ADAMTS17: variants seen among roughly 807,000 people sequenced by gnomAD.
ADAMTS17 encodes the protein ADAM metallopeptidase with thrombospondin type 1 motif 17.
ADAMTS17 carries 113 observed loss-of-function variants against 141.5 expected under a neutral mutation model. The observed-to-expected ratio is 0.80, with a 90% CI of 0.69 to 0.93. The LOEUF is 0.93. Among genes scored for constraint, ADAMTS17 ranks in the 40% least tolerant of loss-of-function variants. The probability of loss-of-function intolerance (pLI) is 0.00; values close to 1 mark genes in which losing one functional copy is unlikely to be tolerated. For missense variants in ADAMTS17, 1,659 were observed against 1,517.9 expected (o/e 1.09, Z -1.54); for synonymous variants, 768 against 630.6 (o/e 1.22, Z -3.27).
At chr15:100,057,897 G>A (rs576802697) in intron 15 of ADAMTS17, among the ~76,000 whole-genome samples, 1 of 152,238 alleles carries the variant, frequency 6.6e-6, no homozygotes, top group South Asian at 2.1e-4. Context: ...AGCAGTGCCT[G>A]AAGCTGGTGC....
At position 99,971,573 on chromosome 15, in the gene ADAMTS17, A is replaced by G. The variant is rs1344875797; in HGVS notation, c.*2829T>C. On this transcript the variant is annotated 3_prime_UTR_variant, in exon 22 of 22. Coordinates refer to ENST00000268070, the MANE Select transcript of ADAMTS17 (RefSeq NM_139057.4). The stretch of plus-strand genomic sequence containing the variant: ...TTTCCTTTCAAAACCAGCCCCAAAA[A>G]GTAAAACAAAAATTCCATGGGTACA... 2.0e-5 allele frequency: 3 copies of G among 152,240 alleles called. No individual in the cohort carries two copies. The highest frequency in any genetic ancestry group is 2.1e-4 in the South Asian group (1 of 4,830). The allele number at this position is 152,240 out of a possible 1,614,324, so 9.4% of individuals were successfully genotyped here.
intron 18 of ADAMTS17, among the ~76,000 whole-genome samples, chr15:100,042,969 T>C (rs1390466755): frequency 1.3e-5 from 2 of 152,256 alleles, no homozygotes; most frequent in Non-Finnish European, 2.9e-5. Flanking sequence ...TAGATACATT[T>C]ACATGTGTGT....
At chr15:100,338,493 T>C (rs2046271243) in intron 2 of ADAMTS17, among the ~76,000 whole-genome samples, 1 of 152,196 alleles carries the variant, frequency 6.6e-6, no homozygotes, top group African/African-American at 2.4e-5. Context: ...CGTGGCCACA[T>C]CCATTCGCTC....
chr15:100,068,650 G>A (rs1185341091), intron 15 of ADAMTS17, among the ~76,000 whole-genome samples: 1 of 152,252 alleles, frequency 6.6e-6, no homozygotes, highest in Non-Finnish European at 1.5e-5. Flanking sequence ...AGGGTCTGGA[G>A]TGGACCTCCA....
Position 100,136,551 on chromosome 15 carries a change from T to TC in ADAMTS17, c.1474-3237dup, listed in dbSNP as rs1218604499. ...ATTGCAAATGACAAAGTGCTCAGGT[T>TC]CCTGTCATCCTGAGCCTCATGGCAG... is the stretch of plus-strand genomic sequence containing the variant. On this transcript the variant is annotated intron_variant, in intron 10 of 21. Coordinates refer to ENST00000268070, the MANE Select transcript of ADAMTS17 (RefSeq NM_139057.4). Among the ~76,000 whole-genome samples, 5 of 152,212 alleles carry TC rather than the reference T, an allele frequency of 3.3e-5. No homozygotes were observed. In the East Asian group the frequency reaches 7.7e-4, roughly 23 times the overall value.
intron 2 of ADAMTS17, among the ~76,000 whole-genome samples, chr15:100,338,544 G>A (rs1192252767): frequency 6.6e-6 from 1 of 152,204 alleles, no homozygotes; most frequent in Non-Finnish European, 1.5e-5. Context: ...CACTGAAAGG[G>A]CAGCTTTGAG....
rs762690595 is a variant in ADAMTS17, at chr15:99,993,079, C to G, written c.2918G>C (p.Cys973Ser). Reference protein sequence around the residue: ...AEEACEDYSGCYEWKTGDWST... With the variant: ...AEEACEDYSGSYEWKTGDWST... ...CCAGTCCCCAGTTTTCCACTCGTAG[C>G]AGCCTGAGTAGTCCTCGCAGGCCTC... The change falls in exon 20 of 22, where the codon TGC becomes TCC. Residue 973 changes from cysteine to serine, a missense_variant. Transcript: ENST00000268070. This position sits in a 1 kb window ranked among gnomAD's most constrained non-coding sequence, Gnocchi z 4.3. 1 of 1,614,056 alleles carries G rather than the reference C, an allele frequency of 6.2e-7. No homozygotes were observed. Among genetic ancestry groups the G allele is most frequent in the Non-Finnish European group, 8.5e-7 (1 of 1,180,056 alleles).
intron 18 of ADAMTS17, among the ~76,000 whole-genome samples, chr15:100,044,557 A>C (rs1262533084): frequency 6.6e-6 from 1 of 152,220 alleles, no homozygotes; most frequent in Admixed American, 6.5e-5. Flanking sequence ...ATGTTCCATG[A>C]CCATGAGCAT....
chr15:100,218,431 A>G (rs574332700), intron 7 of ADAMTS17, among the ~76,000 whole-genome samples: 3 of 152,256 alleles, frequency 2.0e-5, no homozygotes, highest in Non-Finnish European at 4.4e-5. Flanking sequence ...TGATCTAAAT[A>G]GACATTTTTC....
At chr15:100,048,635 G>T (rs2031899937) in intron 18 of ADAMTS17, among the ~76,000 whole-genome samples, 1 of 124,534 alleles carries the variant, frequency 8.0e-6, no homozygotes, top group African/African-American at 3.1e-5. Context: ...TGTTACTAAT[G>T]GTCTCCTACA....
chr15:100,237,796 A>G (rs964318012), intron 7 of ADAMTS17, among the ~76,000 whole-genome samples: 1 of 152,106 alleles, frequency 6.6e-6, no homozygotes, highest in East Asian at 1.9e-4. Flanking sequence ...GCCAATTTTT[A>G]TATTTTTAGT....
intron 8 of ADAMTS17, among the ~76,000 whole-genome samples, chr15:100,194,669 G>T (rs2041044301): frequency 6.6e-6 from 1 of 152,188 alleles, no homozygotes; most frequent in South Asian, 2.1e-4. Context: ...AGAAACAAAT[G>T]CTTACTTCTG....
intron 3 of ADAMTS17, among the ~76,000 whole-genome samples, chr15:100,316,766 C>G (rs1417026121): frequency 1.3e-5 from 2 of 151,798 alleles, no homozygotes; most frequent in East Asian, 3.9e-4. Flanking sequence ...CCTGGAGAAG[C>G]AAATATATCA....
chr15:100,160,689 G>A lies in ADAMTS17; in HGVS notation c.1182-5369C>T, dbSNP rs569809931. Among the ~76,000 whole-genome samples the A allele has an allele frequency of 1.1e-4, 16 of 152,292 alleles. 1 individual carries two copies. In the East Asian group the frequency reaches 1.4e-3, roughly 13 times the overall value. On this transcript the variant is annotated intron_variant, in intron 8 of 21. Coordinates refer to ENST00000268070, the MANE Select transcript of ADAMTS17 (RefSeq NM_139057.4). ...CGTCCAGTGAGCGTTTCACTCTGCC[G>A]GCCGAGAGGACTTCCCCAAGGAATG... is the stretch of plus-strand genomic sequence containing the variant.
intron 13 of ADAMTS17, among the ~76,000 whole-genome samples, chr15:100,111,505 T>C (rs2036779988): frequency 6.6e-6 from 1 of 152,192 alleles, no homozygotes; most frequent in Admixed American, 6.5e-5. Context: ...AGCCCTGAGG[T>C]TCCCCAAGCA....
intron 15 of ADAMTS17, among the ~76,000 whole-genome samples, chr15:100,084,363 G>T (rs984491108): frequency 1.3e-5 from 2 of 152,202 alleles, no homozygotes; most frequent in Non-Finnish European, 2.9e-5. Context: ...ACTGGGTGGA[G>T]CCCACCACAG....
chr15:100,088,078 A>G (rs894670097), intron 15 of ADAMTS17, among the ~76,000 whole-genome samples: 3 of 152,220 alleles, frequency 2.0e-5, no homozygotes, highest in Admixed American at 6.5e-5. Context: ...ATGACTGTAT[A>G]TCTAGAAAAC....
chr15:100,311,914 T>G (rs796280802), intron 3 of ADAMTS17, among the ~76,000 whole-genome samples: 2 of 152,218 alleles, frequency 1.3e-5, no homozygotes, highest in Middle Eastern at 3.4e-3. Context: ...TGTGTTGCAG[T>G]AGACGGATCA....
At chr15:99,985,342 C>T (rs1015208297) in intron 20 of ADAMTS17, among the ~76,000 whole-genome samples, 1 of 152,166 alleles carries the variant, frequency 6.6e-6, no homozygotes, top group Non-Finnish European at 1.5e-5. Flanking sequence ...TTTCATGTGT[C>T]CCAGAAAAGG....
Sources: gnomAD v4.1 joint callset for allele counts (sites outside exome capture counted in the v4.1 genomes callset) on GRCh38, gnomAD v4.1.1 for gene constraint, Gnocchi (gnomAD v3.1) non-coding constraint, MANE v1.5 for transcripts, NCBI Gene and HGNC (gene_info 2026-07-23, HGNC 2026-07-21) for gene names.